The following SEMA3D variants were observed in gnomAD, a reference collection of about 807,000 sequenced individuals.
SEMA3D encodes the protein semaphorin-3D.
In SEMA3D, 84 loss-of-function variants were observed where a neutral mutation model predicts 100.1. The observed-to-expected ratio is 0.84, with a 90% CI of 0.70 to 1.01. The LOEUF is 1.01. SEMA3D is among the 50% of genes least tolerant of loss of function. The pLI, the probability that SEMA3D is intolerant of heterozygous loss-of-function variation, is 0.00. For synonymous variants in SEMA3D, 312 were observed against 320.7 expected, an observed-to-expected ratio of 0.97 and a Z score of 0.29; for missense variants, 875 against 934.1, an observed-to-expected ratio of 0.94 and a Z score of 0.82.
At chr7:85,237,240 C>G in the SEMA3D span, among the ~76,000 whole-genome samples, 1 of 152,182 alleles carries the variant, frequency 6.6e-6, no homozygotes, top group Admixed American at 6.5e-5. Context: ...CTATCAACAT[C>G]CCAAACCATA....
chr7:85,089,071 C>T (rs78532277), intron 4 of SEMA3D, among the ~76,000 whole-genome samples: 4,498 of 152,182 alleles, frequency 0.03, 227 homozygotes, highest in African/African-American at 0.1. Context: ...GCAATCAGAA[C>T]ACGTGAATGT....
At chr7:85,092,299 A>G (rs927798440) in intron 4 of SEMA3D, among the ~76,000 whole-genome samples, 3 of 152,002 alleles carry the variant, frequency 2.0e-5, no homozygotes, top group Non-Finnish European at 4.4e-5. Context: ...TTGTCTCCCT[A>G]ACTAAGATTA....
chr7:85,041,098 C>T lies in SEMA3D; in HGVS notation c.977-356G>A, dbSNP rs374366974. 4.5e-3 allele frequency: 756 copies of T among 167,882 alleles called. 12 individuals carry two copies. The highest frequency in any genetic ancestry group is 0.017 in the African/African-American group (703 of 40,820). 10.4% of individuals were successfully genotyped at this position (167,882 alleles called of 1,614,324 possible). On this transcript the variant is annotated intron_variant, in intron 10 of 18. Coordinates refer to ENST00000284136, the MANE Select transcript of SEMA3D (RefSeq NM_001384900.1). ...TTTTTGATGGAGTCTTGCTGTGTCA[C>T]CCAGGCTGGAATGCAGTGGCACAAT... is the stretch of plus-strand genomic sequence containing the variant.
At chr7:85,122,749 T>C (rs968203746) in intron 2 of SEMA3D, among the ~76,000 whole-genome samples, 14 of 152,092 alleles carry the variant, frequency 9.2e-5, no homozygotes, top group African/African-American at 2.4e-4. Context: ...CCTGGAACAA[T>C]GCAATGTTAC....
intron 2 of SEMA3D, among the ~76,000 whole-genome samples, chr7:85,152,538 T>C (rs928918776): frequency 6.6e-6 from 1 of 152,104 alleles, no homozygotes; most frequent in African/African-American, 2.4e-5. Context: ...AAATGAGAGC[T>C]ATTAATTATG....
Position 85,161,071 on chromosome 7 carries a change from T to C in SEMA3D, c.-172-7332A>G, listed in dbSNP as rs1018573374. Among the ~76,000 whole-genome samples the C allele has an allele frequency of 2.0e-5, 3 of 152,224 alleles. No individual in the cohort carries two copies. In the South Asian group the frequency reaches 6.2e-4, roughly 32 times the overall value. Reference sequence around the variant, plus strand: ...AACTTGACCACACAGAGGGTGACCATGATTCTGGAAGACAACACAATCAAC... The same window carrying C: ...AACTTGACCACACAGAGGGTGACCACGATTCTGGAAGACAACACAATCAAC... On this transcript the variant is annotated intron_variant, in intron 1 of 18. Coordinates refer to ENST00000284136, the MANE Select transcript of SEMA3D (RefSeq NM_001384900.1).
At chr7:85,100,196 T>G (rs1172835853) in intron 3 of SEMA3D, among the ~76,000 whole-genome samples, 1 of 151,994 alleles carries the variant, frequency 6.6e-6, no homozygotes, top group Admixed American at 6.6e-5. Flanking sequence ...TGCAAATGCA[T>G]AGTTATACAA....
the SEMA3D span, among the ~76,000 whole-genome samples, chr7:85,243,309 G>A: frequency 6.6e-6 from 1 of 152,156 alleles, no homozygotes; most frequent in Admixed American, 6.6e-5. Context: ...GTGAGGTCCT[G>A]TAAGAGCTCC....
At chr7:85,128,780 G>C (rs1789636203) in intron 2 of SEMA3D, among the ~76,000 whole-genome samples, 1 of 150,952 alleles carries the variant, frequency 6.6e-6, no homozygotes, top group South Asian at 2.1e-4. Context: ...TTATAACCAA[G>C]TTAGTGGCTC....
At chr7:85,111,559 C>T (rs576874131) in intron 3 of SEMA3D, among the ~76,000 whole-genome samples, 39 of 152,194 alleles carry the variant, frequency 2.6e-4, no homozygotes, top group Non-Finnish European at 4.7e-4. Context: ...CTTTGTGCCA[C>T]AGACCATTAA....
At chr7:85,198,451 A>G in the SEMA3D span, among the ~76,000 whole-genome samples, 1 of 152,014 alleles carries the variant, frequency 6.6e-6, no homozygotes, top group Non-Finnish European at 1.5e-5. Context: ...GAATACTATT[A>G]TATAATTGAG....
At chr7:85,164,991 C>T (rs921019996) in intron 1 of SEMA3D, among the ~76,000 whole-genome samples, 47 of 84,356 alleles carry the variant, frequency 5.6e-4, no homozygotes, top group African/African-American at 2.8e-3. Flanking sequence ...GCTATCCCTC[C>T]CCCTTCCCCC....
At chr7:85,118,412 T>A (rs1789306469) in intron 3 of SEMA3D, among the ~76,000 whole-genome samples, 1 of 152,178 alleles carries the variant, frequency 6.6e-6, no homozygotes, top group South Asian at 2.1e-4. Context: ...TAGTATGTTT[T>A]TATTGTATCT....
Position 85,116,288 on chromosome 7 carries a change from T to C in SEMA3D, c.151+5453A>G, listed in dbSNP as rs541326276. 1.6e-4 allele frequency among the ~76,000 whole-genome samples: 24 copies of C among 146,814 alleles called. No homozygotes were observed. The South Asian group carries it at 3.6e-3, about 22-fold the overall frequency. On this transcript the variant is annotated intron_variant, in intron 3 of 18. Coordinates refer to ENST00000284136, the MANE Select transcript of SEMA3D (RefSeq NM_001384900.1). ...GCATATGTATACAATTGTATACATA[T>C]ACAATTTATATATGTATATATTTAT... is the stretch of plus-strand genomic sequence containing the variant.
chr7:85,158,328 A>T (rs1342605416), intron 1 of SEMA3D, among the ~76,000 whole-genome samples: 1 of 152,184 alleles, frequency 6.6e-6, no homozygotes, highest in East Asian at 1.9e-4. Flanking sequence ...AAGAGAATGC[A>T]TCCCTGAGGG....
upstream of SEMA3D, among the ~76,000 whole-genome samples, chr7:85,192,053 T>C (rs1562850954): frequency 6.6e-6 from 1 of 152,092 alleles, no homozygotes; most frequent in Non-Finnish European, 1.5e-5. Flanking sequence ...TTTAAGATAA[T>C]AGTGATTTTC....
intron 12 of SEMA3D, among the ~76,000 whole-genome samples, chr7:85,030,447 T>A (rs1332721260): frequency 6.6e-6 from 1 of 151,968 alleles, no homozygotes; most frequent in African/African-American, 2.4e-5. Context: ...CAACTAACAT[T>A]TAACGCGGTA....
intron 11 of SEMA3D, among the ~76,000 whole-genome samples, chr7:85,038,884 C>G (rs1024361922): frequency 3.3e-5 from 5 of 152,222 alleles, no homozygotes; most frequent in African/African-American, 1.2e-4. Context: ...GTTTTCTGAT[C>G]TATTCTGAAC....
intron 1 of SEMA3D, among the ~76,000 whole-genome samples, chr7:85,168,385 A>T (rs1790971570): frequency 6.6e-6 from 1 of 151,816 alleles, no homozygotes; most frequent in Admixed American, 6.6e-5. Flanking sequence ...ATTTTAAAAC[A>T]CTTCTGTGAC....
Sources: allele counts gnomAD v4.1 joint callset (sites outside exome capture counted in the v4.1 genomes callset), GRCh38; gene constraint gnomAD v4.1.1; transcripts MANE v1.5; gene names NCBI Gene and HGNC (gene_info 2026-07-23, HGNC 2026-07-21).